The following PACRG variants were observed in gnomAD, a reference collection of about 807,000 sequenced individuals.
PACRG encodes parkin coregulated gene protein.
Under a neutral mutation model 29.7 loss-of-function variants are expected in PACRG, and 29 were observed. The ratio of observed to expected loss-of-function variants is 0.98; its 90% CI spans 0.73 to 1.33. The LOEUF (loss-of-function observed/expected upper bound fraction) is 1.33, where lower values mean the gene tolerates loss of function less well. Among genes scored for constraint, PACRG ranks in the 40% most tolerant of loss-of-function variants. The pLI, the probability that PACRG is intolerant of heterozygous loss-of-function variation, is 0.00. For synonymous variants in PACRG, 116 were observed against 118.7 expected (o/e 0.98, Z 0.15); for missense variants, 279 against 316.2 (o/e 0.88, Z 0.89).
At chr6:163,227,285 G>A (rs1781844713) in intron 4 of PACRG, among the ~76,000 whole-genome samples, 1 of 152,082 alleles carries the variant, frequency 6.6e-6, no homozygotes, top group East Asian at 1.9e-4. Context: ...AGGGAGGTGG[G>A]AGGTAAGGTG....
chr6:163,292,233 C>T (rs1361122745), intron 4 of PACRG, among the ~76,000 whole-genome samples: 1 of 152,156 alleles, frequency 6.6e-6, no homozygotes, highest in Non-Finnish European at 1.5e-5. Context: ...ATAGGATGGG[C>T]TTAAGCCAGC....
At chr6:162,892,675 C>A (rs1443695109) in intron 2 of PACRG, among the ~76,000 whole-genome samples, 1 of 152,148 alleles carries the variant, frequency 6.6e-6, no homozygotes, top group Admixed American at 6.5e-5. Flanking sequence ...GCCCCCTGAC[C>A]CCCCTACAGT....
chr6:162,868,816 C>T (rs990798300), intron 2 of PACRG, among the ~76,000 whole-genome samples: 1 of 152,160 alleles, frequency 6.6e-6, no homozygotes, highest in African/African-American at 2.4e-5. Context: ...AACACTGAAT[C>T]CTACTGAAAA....
intron 4 of PACRG, among the ~76,000 whole-genome samples, chr6:163,281,734 A>G (rs970699): frequency 0.011 from 1,699 of 152,324 alleles, 33 homozygotes; most frequent in African/African-American, 0.039. Context: ...GTAATAATAT[A>G]TAATTGAAAT....
intron 2 of PACRG, among the ~76,000 whole-genome samples, chr6:162,844,329 G>C (rs1460792992): frequency 1.3e-5 from 2 of 152,240 alleles, no homozygotes; most frequent in Non-Finnish European, 2.9e-5. Flanking sequence ...GGTCCGAAAA[G>C]CGCAATATTC....
intron 2 of PACRG, among the ~76,000 whole-genome samples, chr6:162,965,968 T>C (rs1800986520): frequency 6.6e-6 from 1 of 152,260 alleles, no homozygotes; most frequent in Non-Finnish European, 1.5e-5. Context: ...CTGAGAGGAA[T>C]ATCGTGCAGC....
Position 162,880,713 on chromosome 6 carries a change from A to G in PACRG, c.291+66432A>G, listed in dbSNP as rs529911058. Among the ~76,000 whole-genome samples, 43 of 152,378 alleles carry G rather than the reference A, an allele frequency of 2.8e-4. No individual in the cohort carries two copies. In the South Asian group the frequency reaches 5.0e-3, roughly 18 times the overall value. Reference sequence around the variant, plus strand: ...AGAATAAAACATATCTTAAATTTCTATAAACTGTTGTGCCTCATACGTATT... The same window carrying G: ...AGAATAAAACATATCTTAAATTTCTGTAAACTGTTGTGCCTCATACGTATT... On this transcript the variant is annotated intron_variant, in intron 2 of 4. Transcript: ENST00000366888.
chr6:163,269,267 G>A (rs1783647285), intron 4 of PACRG, among the ~76,000 whole-genome samples: 1 of 152,200 alleles, frequency 6.6e-6, no homozygotes, highest in Admixed American at 6.5e-5. Context: ...GTCTCAGTGG[G>A]GTAGGCCTGC....
At chr6:163,040,121 C>T (rs1301576893) in intron 2 of PACRG, among the ~76,000 whole-genome samples, 1 of 152,238 alleles carries the variant, frequency 6.6e-6, no homozygotes, top group Non-Finnish European at 1.5e-5. Flanking sequence ...CAGGATATGG[C>T]ATCCTGCATC....
intron 4 of PACRG, among the ~76,000 whole-genome samples, chr6:163,116,845 T>C (rs940150332): frequency 6.6e-6 from 1 of 152,140 alleles, no homozygotes; most frequent in African/African-American, 2.4e-5. Context: ...AGGATGGTGA[T>C]GCCGTTTTCA....
At chr6:163,171,296 A>G (rs987013805) in intron 4 of PACRG, among the ~76,000 whole-genome samples, 3 of 152,160 alleles carry the variant, frequency 2.0e-5, no homozygotes, top group African/African-American at 7.2e-5. Flanking sequence ...TCAAAGGGGG[A>G]AGTCCCAAGA....
At chr6:162,760,149 G>C (rs1168991997) in intron 1 of PACRG, among the ~76,000 whole-genome samples, 2 of 152,202 alleles carry the variant, frequency 1.3e-5, no homozygotes, top group Non-Finnish European at 2.9e-5. Flanking sequence ...TCCAAGTGCG[G>C]TGTATGACTC....
rs186288825 is a variant in PACRG at position 162,783,779 on chromosome 6, C to T, written c.157-30368C>T. On this transcript the variant is annotated intron_variant, in intron 1 of 4. Coordinates refer to ENST00000366888, the MANE Select transcript of PACRG (RefSeq NM_001080379.2). ...ATTTTGAGACCTATTGTTAAACTTC[C>T]CTCTAAAAGTATTGTACTTGATTTG... Among the ~76,000 whole-genome samples the T allele has an allele frequency of 2.0e-5, 3 of 152,034 alleles. 1 individual carries two copies. The highest frequency in any genetic ancestry group is 2.0e-4 in the Admixed American group (3 of 15,280).
At chr6:162,825,500 T>A (rs1217521879) in intron 2 of PACRG, among the ~76,000 whole-genome samples, 1 of 152,238 alleles carries the variant, frequency 6.6e-6, no homozygotes, top group Non-Finnish European at 1.5e-5. Flanking sequence ...ATCTACTGTA[T>A]AATTTGTTGA....
intron 2 of PACRG, among the ~76,000 whole-genome samples, chr6:162,897,203 T>C (rs1005503664): frequency 6.6e-6 from 1 of 152,374 alleles, no homozygotes; most frequent in Admixed American, 6.5e-5. Context: ...GTGCATGATA[T>C]AACCAACAAC....
intron 2 of PACRG, among the ~76,000 whole-genome samples, chr6:162,863,308 G>A (rs1486242996): frequency 6.6e-6 from 1 of 152,230 alleles, no homozygotes; most frequent in Admixed American, 6.5e-5. Context: ...GTTGGGCTAG[G>A]AAACTTTTGA....
At chr6:163,255,561 T>C (rs1783072811) in intron 4 of PACRG, among the ~76,000 whole-genome samples, 1 of 152,164 alleles carries the variant, frequency 6.6e-6, no homozygotes, top group South Asian at 2.1e-4. Context: ...GAAAGAGACC[T>C]GGGCCTTGGG....
At chr6:162,999,442 T>C (rs1804385795) in intron 2 of PACRG, among the ~76,000 whole-genome samples, 1 of 152,204 alleles carries the variant, frequency 6.6e-6, no homozygotes, top group Admixed American at 6.5e-5. Context: ...TAGCCTGCAT[T>C]AGACAGATGT....
chr6:163,120,674 G>A (rs934533249), intron 4 of PACRG, among the ~76,000 whole-genome samples: 2 of 151,590 alleles, frequency 1.3e-5, no homozygotes, highest in African/African-American at 4.9e-5. Context: ...TTTGTTTTTG[G>A]TTTTTCTTTT....
Sources: gnomAD v4.1 joint callset for allele counts (sites outside exome capture counted in the v4.1 genomes callset) on GRCh38, gnomAD v4.1.1 for gene constraint, MANE v1.5 for transcripts, NCBI Gene and HGNC (gene_info 2026-07-23, HGNC 2026-07-21) for gene names.